Variants in NAV3 observed in about 807,000 individuals in gnomAD.
The protein encoded by NAV3 is pore membrane and/or filament interacting like protein 1.
A neutral mutation model predicts 244.7 loss-of-function variants in NAV3; 87 were observed. The observed-to-expected ratio is 0.36, with a 90% confidence interval of 0.30 to 0.42. The LOEUF is 0.42. Among genes scored for constraint, NAV3 ranks in the 20% least tolerant of loss-of-function variants. The pLI is 1.00. For synonymous variants in NAV3, 1,126 were observed against 1,042.2 expected, an observed-to-expected ratio of 1.08 and a Z score of -1.55; for missense variants, 2,663 against 2,893.3, an observed-to-expected ratio of 0.92 and a Z score of 1.83.
At chr12:78,165,914 T>C (rs750457823) in intron 23 of NAV3, among the ~76,000 whole-genome samples, 1 of 151,556 alleles carries the variant, frequency 6.6e-6, no homozygotes, top group Non-Finnish European at 1.5e-5. Flanking sequence ...ATAATAAAGT[T>C]TTTGATGTTT....
intron 12 of NAV3, among the ~76,000 whole-genome samples, chr12:78,114,922 C>A (rs755188059): frequency 1.3e-5 from 2 of 152,084 alleles, no homozygotes; most frequent in Non-Finnish European, 2.9e-5. Context: ...AAACTTCAAG[C>A]AAAATACACA....
chr12:78,188,405 A>G (rs566419946), intron 32 of NAV3, 62 bp downstream of exon 32: 19 of 1,374,084 alleles, frequency 1.4e-5, no homozygotes, highest in African/African-American at 4.3e-5. Context: ...ATTGTTTTCC[A>G]TAACTTCAAT....
At chr12:77,847,680 C>A (rs1187477423) in intron 1 of NAV3, among the ~76,000 whole-genome samples, 1 of 152,184 alleles carries the variant, frequency 6.6e-6, no homozygotes, top group Non-Finnish European at 1.5e-5. Flanking sequence ...ATTTTTCTTT[C>A]TCTTCTGTAG....
chr12:78,116,628 C>T, intron 12 of NAV3, 144 bp from the exon 13 acceptor site: 1 of 922,750 alleles, frequency 1.1e-6, no homozygotes, highest in Non-Finnish European at 1.5e-6. Flanking sequence ...ATGATTTTCC[C>T]AAAATGTGAA....
intron 1 of NAV3, among the ~76,000 whole-genome samples, chr12:77,933,328 A>C (rs1283317053): frequency 1.3e-5 from 2 of 152,162 alleles, no homozygotes; most frequent in East Asian, 3.9e-4. Context: ...TGATAGTAGC[A>C]ATGGAGGAGT....
intron 2 of NAV3, among the ~76,000 whole-genome samples, chr12:77,746,838 A>G (rs1868570974): frequency 1.3e-5 from 2 of 152,178 alleles, no homozygotes; most frequent in Admixed American, 1.3e-4. Context: ...TGGAGAGATG[A>G]AACAATGGCT....
intron 2 of NAV3, among the ~76,000 whole-genome samples, chr12:77,821,947 C>T (rs144084408): frequency 1.3e-5 from 2 of 152,194 alleles, no homozygotes; most frequent in South Asian, 2.1e-4. Context: ...CTTACTGGAA[C>T]ACTGAAATTT....
In NAV3 at chr12:78,050,028, A is replaced by G. The variant is rs769083049; in HGVS notation, c.2059A>G (p.Lys687Glu). The G allele has an allele frequency of 1.9e-6, 3 of 1,613,164 alleles. No homozygotes were observed. Among genetic ancestry groups the G allele is most frequent in the Non-Finnish European group, 2.5e-6 (3 of 1,179,692 alleles). The change falls in exon 10 of 40, where the codon AAA becomes GAA. Residue 687 changes from lysine to glutamate, a missense_variant. Physicochemically the swap from Lys to Glu is moderately conservative, Grantham distance 56. Around this residue, in one of 6 missense-constraint regions of NAV3, gnomAD observed 1,521 missense variants for 1,497.0 expected, o/e 1.02. Coordinates refer to ENST00000397909, the MANE Select transcript of NAV3 (RefSeq NM_001024383.2). ...TGAAACAAGAAGAATGAGAACAGTT[A>G]AAAACATAGCAGACTTGAGGCAGAA... Reference protein sequence around the residue: ...DPETRRMRTVKNIADLRQNLE... With the variant: ...DPETRRMRTVENIADLRQNLE...
chr12:77,982,612 T>C (rs770211573), intron 5 of NAV3, among the ~76,000 whole-genome samples: 1 of 152,182 alleles, frequency 6.6e-6, no homozygotes, highest in African/African-American at 2.4e-5. Flanking sequence ...CTATTGCTGC[T>C]TTACAAAAGC....
intron 2 of NAV3, among the ~76,000 whole-genome samples, chr12:77,768,007 C>T (rs1243054310): frequency 6.6e-6 from 1 of 152,176 alleles, no homozygotes; most frequent in Admixed American, 6.5e-5. Flanking sequence ...GTACAGCTCT[C>T]AGGAGACCTG....
At chr12:77,629,872 C>G (rs551040929) in intron 2 of NAV3, among the ~76,000 whole-genome samples, 1 of 152,006 alleles carries the variant, frequency 6.6e-6, no homozygotes, top group African/African-American at 2.4e-5. Flanking sequence ...ATAGGTTGGA[C>G]GAATCCATAA....
intron 2 of NAV3, among the ~76,000 whole-genome samples, chr12:77,634,924 T>C (rs1282323399): frequency 2.6e-5 from 4 of 152,274 alleles, no homozygotes; most frequent in South Asian, 4.1e-4. Flanking sequence ...TATTTATTTA[T>C]TTTTTAAGAA....
chr12:77,872,215 T>C (rs114933579), intron 1 of NAV3, among the ~76,000 whole-genome samples: 127 of 152,316 alleles, frequency 8.3e-4, no homozygotes, highest in African/African-American at 2.9e-3. Context: ...ACCACACACA[T>C]GGTATTCTTG....
intron 12 of NAV3, among the ~76,000 whole-genome samples, chr12:78,083,886 CA>C (rs1210506197): frequency 6.6e-6 from 1 of 152,114 alleles, no homozygotes; most frequent in East Asian, 1.9e-4. Context: ...ATGATCTATT[CA>C]AAATAACCAG....
intron 1 of NAV3, among the ~76,000 whole-genome samples, chr12:77,887,495 T>C (rs978942672): frequency 1.3e-5 from 2 of 152,172 alleles, no homozygotes; most frequent in Non-Finnish European, 2.9e-5. Flanking sequence ...TTTATTTTTG[T>C]GATTATGTGA....
In NAV3 at chr12:78,137,294, G is replaced by A; in HGVS notation, c.4559G>A (p.Ser1520Asn). ...DLYDDSQLCG[S>N]ATSLEERPRA... ...TATGATGACTCCCAGCTTTGTGGGAGTGCCACTTCTCTGGAGGAAAGACCT... is the reference window on the plus strand; with the variant it reads ...TATGATGACTCCCAGCTTTGTGGGAATGCCACTTCTCTGGAGGAAAGACCT... The change falls in exon 19 of 40, where the codon AGT becomes AAT. Residue 1520 changes from serine (S) to asparagine (N), a missense_variant. By Grantham distance (46) the Ser-to-Asn change is conservative. Coordinates refer to ENST00000397909, the MANE Select transcript of NAV3 (RefSeq NM_001024383.2). 6.2e-7 allele frequency: 1 copy of A among 1,613,658 alleles called. No homozygotes were observed. Among genetic ancestry groups the A allele is most frequent in the African/African-American group, 1.3e-5 (1 of 74,982 alleles).
intron 3 of NAV3, among the ~76,000 whole-genome samples, chr12:77,961,143 TA>T (rs1282683645): frequency 6.8e-6 from 1 of 146,048 alleles, no homozygotes; most frequent in Non-Finnish European, 1.5e-5. Context: ...AATAATATAT[TA>T]CTATATACAT....
chr12:77,953,156 G>A (rs1055212000), intron 3 of NAV3, among the ~76,000 whole-genome samples: 5 of 151,908 alleles, frequency 3.3e-5, no homozygotes, highest in African/African-American at 4.8e-5. Flanking sequence ...AATATTAAAC[G>A]ATGCTCATAA....
At chr12:78,165,921 GT>G (rs1399390580) in intron 23 of NAV3, among the ~76,000 whole-genome samples, 1 of 149,580 alleles carries the variant, frequency 6.7e-6, no homozygotes, top group Admixed American at 6.7e-5. Context: ...AGTTTTTGAT[GT>G]TTTTTATATG....
Sources: gnomAD v4.1 joint callset for allele counts (sites outside exome capture counted in the v4.1 genomes callset) on GRCh38, gnomAD v4.1.1 for gene constraint, gnomAD v4.1.1 regional missense constraint, MANE v1.5 for transcripts, NCBI Gene and HGNC (gene_info 2026-07-23, HGNC 2026-07-21) for gene names.